BTRC: variants seen among roughly 807,000 people sequenced by gnomAD.
BTRC encodes beta-transducin repeat containing E3 ubiquitin protein ligase, also known as F-box/WD repeat-containing protein 1A.
A neutral mutation model predicts 85.5 loss-of-function variants in BTRC; 42 were observed. The observed-to-expected ratio is 0.49, with a 90% CI of 0.38 to 0.64. The LOEUF is 0.64. BTRC is among the 30% of genes least tolerant of loss of function. The pLI is 0.00. For synonymous variants in BTRC, 255 were observed against 263.3 expected (o/e 0.97, Z 0.30); for missense variants, 594 against 743.5 (o/e 0.80, Z 2.34).
chr10:101,377,535 C>T (rs1017468105), intron 1 of BTRC, among the ~76,000 whole-genome samples: 2 of 152,148 alleles, frequency 1.3e-5, no homozygotes, highest in Non-Finnish European at 2.9e-5. Context: ...TCCGTGTCAG[C>T]ATTTGGGATT....
intron 1 of BTRC, among the ~76,000 whole-genome samples, chr10:101,400,494 T>C (rs2133999451): frequency 6.6e-6 from 1 of 152,334 alleles, no homozygotes; most frequent in South Asian, 2.1e-4. Flanking sequence ...GAACTCATTG[T>C]TAGAGCAAAC....
At chr10:101,420,358 C>G (rs1944067227) in intron 1 of BTRC, among the ~76,000 whole-genome samples, 1 of 152,022 alleles carries the variant, frequency 6.6e-6, no homozygotes. Context: ...GCATGCCTCC[C>G]TCACCCTTTT....
chr10:101,420,313 ATC>A (rs1944065665), intron 1 of BTRC, among the ~76,000 whole-genome samples: 1 of 151,754 alleles, frequency 6.6e-6, no homozygotes, highest in South Asian at 2.1e-4. Context: ...TTGCTGACAT[ATC>A]TCTCGCTCCA....
intron 1 of BTRC, among the ~76,000 whole-genome samples, chr10:101,388,330 TTTTTATTTTA>T (rs149229640): frequency 1.1e-3 from 157 of 148,290 alleles, no homozygotes; most frequent in African/African-American, 3.5e-3. Flanking sequence ...ACCCAGCTAA[TTTTTATTTTA>T]TTTTATTTTA....
intron 4 of BTRC, among the ~76,000 whole-genome samples, chr10:101,490,247 GCCTC>G (rs1946095369): frequency 6.9e-6 from 1 of 145,498 alleles, no homozygotes; most frequent in Non-Finnish European, 1.5e-5. Context: ...CTCACTCCCT[GCCTC>G]CCTCCCTTCC....
chr10:101,531,245 A>C lies in BTRC; in HGVS notation c.752A>C (p.Tyr251Ser), dbSNP rs367662470. The change falls in exon 7 of 15, where the codon TAT becomes TCT. Residue 251 changes from tyrosine to serine, a missense_variant. Physicochemically the swap from Tyr to Ser is moderately radical, Grantham distance 144. Transcript: ENST00000370187. ...GLAERRGWGQYLFKNKPPDGN... is the reference protein window; with the variant it reads ...GLAERRGWGQSLFKNKPPDGN... ...TATTTGTTATTTTTTAGGGGACAGT[A>C]TTTATTCAAAAACAAACCTCCTGAC... 126 of 1,596,902 alleles carry C rather than the reference A, an allele frequency of 7.9e-5. No homozygotes were observed. The highest frequency in any genetic ancestry group is 1.0e-4 in the Non-Finnish European group (121 of 1,165,006).
chr10:101,541,321 G>A (rs950147753), intron 13 of BTRC, among the ~76,000 whole-genome samples: 1 of 151,640 alleles, frequency 6.6e-6, no homozygotes, highest in Non-Finnish European at 1.5e-5. Context: ...GTGCAGTGGC[G>A]CGATCTCAGC....
intron 1 of BTRC, 138 bp downstream of exon 1, chr10:101,354,366 G>A (rs915841401): frequency 1.0e-5 from 10 of 983,948 alleles, no homozygotes; most frequent in African/African-American, 1.8e-5. Context: ...GGAGGGATGG[G>A]ATGGGAGCTC....
chr10:101,550,164 G>C (rs1053028294), intron 13 of BTRC, among the ~76,000 whole-genome samples: 3 of 152,144 alleles, frequency 2.0e-5, no homozygotes, highest in African/African-American at 7.2e-5. Flanking sequence ...ACTATTAATA[G>C]CATGCTATTT....
intron 1 of BTRC, among the ~76,000 whole-genome samples, chr10:101,429,221 A>G (rs181825506): frequency 2.4e-4 from 36 of 152,286 alleles, no homozygotes; most frequent in African/African-American, 8.4e-4. Flanking sequence ...ATAGCACTCA[A>G]GTTGATGGAT....
rs1225326335 is a variant in BTRC, at chr10:101,478,805, A to T, written c.235-563A>T. Among the ~76,000 whole-genome samples the T allele has an allele frequency of 1.5e-4, 23 of 151,266 alleles. 1 individual carries two copies. Among genetic ancestry groups the T allele is most frequent in the Admixed American group, 1.4e-3 (22 of 15,190 alleles). On this transcript the variant is annotated intron_variant, in intron 3 of 14. Transcript: ENST00000370187. ...TCAAAAAAAAAAAAAAAGAAAAGAAAAAAAGAGAAAGAAACATGTCCTCTG... is the reference window on the plus strand; with the variant it reads ...TCAAAAAAAAAAAAAAAGAAAAGAATAAAAGAGAAAGAAACATGTCCTCTG...
At chr10:101,505,633 AAAAAAAAT>A in intron 4 of BTRC, among the ~76,000 whole-genome samples, 1 of 134,394 alleles carries the variant, frequency 7.4e-6, no homozygotes, top group Non-Finnish European at 1.7e-5. Context: ...AAAATAAAAA[AAAAAAAAT>A]AATAATAAAA....
intron 1 of BTRC, among the ~76,000 whole-genome samples, chr10:101,359,188 G>A (rs1942129915): frequency 6.6e-6 from 1 of 152,172 alleles, no homozygotes; most frequent in Admixed American, 6.5e-5. Context: ...TATCTAAACA[G>A]ATTACATTTT....
chr10:101,421,934 G>C (rs1199134520), intron 1 of BTRC, among the ~76,000 whole-genome samples: 1 of 152,016 alleles, frequency 6.6e-6, no homozygotes, highest in Admixed American at 6.6e-5. Flanking sequence ...GTAAACATAC[G>C]TGTGCATGTG....
chr10:101,362,399 A>ATTTT (rs35918683), intron 1 of BTRC, among the ~76,000 whole-genome samples: 1 of 148,068 alleles, frequency 6.8e-6, no homozygotes, highest in Non-Finnish European at 1.5e-5. Flanking sequence ...GGTGCAAGAA[A>ATTTT]TTTTTTTTTT....
intron 6 of BTRC, among the ~76,000 whole-genome samples, chr10:101,529,109 C>T (rs2062243720): frequency 6.6e-6 from 1 of 152,152 alleles, no homozygotes; most frequent in Non-Finnish European, 1.5e-5. Context: ...TAATATTTAA[C>T]GTTTATCATG....
chr10:101,519,411 G>T (rs944807408), intron 4 of BTRC, among the ~76,000 whole-genome samples: 1 of 152,044 alleles, frequency 6.6e-6, no homozygotes. Flanking sequence ...GCAGAATTCA[G>T]TTCCTTGCTG....
intron 1 of BTRC, among the ~76,000 whole-genome samples, chr10:101,413,110 G>A (rs1272641889): frequency 2.0e-5 from 3 of 152,028 alleles, no homozygotes; most frequent in Non-Finnish European, 4.4e-5. Flanking sequence ...GAGGGAAGTG[G>A]TTTTTTTGTT....
At chr10:101,409,149 T>C (rs1354587230) in intron 1 of BTRC, among the ~76,000 whole-genome samples, 2 of 152,230 alleles carry the variant, frequency 1.3e-5, no homozygotes, top group Admixed American at 1.3e-4. Flanking sequence ...CTGTGTAGTT[T>C]AGCAACTACT....
Sources: gnomAD v4.1 joint callset for allele counts (sites outside exome capture counted in the v4.1 genomes callset) on GRCh38, gnomAD v4.1.1 for gene constraint, MANE v1.5 for transcripts, NCBI Gene and HGNC (gene_info 2026-07-23, HGNC 2026-07-21) for gene names.